SLC25A32: variants seen among roughly 807,000 people sequenced by gnomAD.
SLC25A32 encodes Glycine auxotroph B, complementation of hamster.
Under a neutral mutation model 39.0 loss-of-function variants are expected in SLC25A32, and 32 were observed. The observed-to-expected ratio is 0.82, with a 90% confidence interval of 0.62 to 1.10. SLC25A32 has a LOEUF of 1.10. Ranked by LOEUF, SLC25A32 falls within the 50% of genes least tolerant of loss-of-function variation. The pLI, the probability that SLC25A32 is intolerant of heterozygous loss-of-function variation, is 0.00. For synonymous variants in SLC25A32, 166 were observed against 152.4 expected (o/e 1.09, Z -0.66); for missense variants, 367 against 395.3 (o/e 0.93, Z 0.61).
chr8:103,410,789 A>T (rs577405722), intron 1 of SLC25A32, among the ~76,000 whole-genome samples: 1 of 152,208 alleles, frequency 6.6e-6, no homozygotes, highest in Admixed American at 6.5e-5. Context: ...TGGTGTACAG[A>T]AAGGAGCCAA....
intron 1 of SLC25A32, among the ~76,000 whole-genome samples, chr8:103,409,146 T>C (rs1816403385): frequency 1.3e-5 from 2 of 152,206 alleles, no homozygotes; most frequent in Admixed American, 1.3e-4. Context: ...TATTTACTGC[T>C]TTGAAAAATC....
chr8:103,414,628 C>T (rs1586120489), intron 1 of SLC25A32, 156 bp downstream of exon 1: 1 of 1,074,742 alleles, frequency 9.3e-7, no homozygotes, highest in Admixed American at 2.6e-5. Flanking sequence ...GACCCCTCCA[C>T]CAAGCACCAT....
intron 2 of SLC25A32, among the ~76,000 whole-genome samples, chr8:103,405,599 T>C (rs1482151665): frequency 2.0e-5 from 3 of 152,174 alleles, no homozygotes; most frequent in Non-Finnish European, 2.9e-5. Flanking sequence ...AATCAGCCTA[T>C]TTCCTTTAAT....
intron 1 of SLC25A32, among the ~76,000 whole-genome samples, chr8:103,412,355 A>G (rs1424807773): frequency 6.6e-6 from 1 of 152,224 alleles, no homozygotes; most frequent in Non-Finnish European, 1.5e-5. Context: ...ATTTGAGAAA[A>G]TTACTATTTT....
intron 1 of SLC25A32, among the ~76,000 whole-genome samples, chr8:103,414,378 C>A (rs972749985): frequency 2.0e-5 from 3 of 152,178 alleles, no homozygotes; most frequent in Non-Finnish European, 2.9e-5. Context: ...GAAGATTACG[C>A]CCTATCCCAA....
intron 3 of SLC25A32, among the ~76,000 whole-genome samples, chr8:103,403,927 G>A (rs1179749434): frequency 1.3e-5 from 2 of 152,136 alleles, no homozygotes; most frequent in Admixed American, 6.5e-5. Flanking sequence ...TCATTTGCCA[G>A]GTTTCCTAAG....
intron 1 of SLC25A32, among the ~76,000 whole-genome samples, chr8:103,411,321 A>C (rs556307879): frequency 2.0e-5 from 3 of 152,062 alleles, no homozygotes; most frequent in Non-Finnish European, 4.4e-5. Flanking sequence ...ATTAGTATTT[A>C]AATAGACTTA....
chr8:103,398,923 T>C lies in SLC25A32; in HGVS notation c.*1488A>G, dbSNP rs1370575238. ...TTTAAAAACAATGCCTTTTCCAAAA[T>C]ATAAAAAAAAGACCTATTTTTAAAG... On this transcript the variant is annotated 3_prime_UTR_variant, in exon 7 of 7. Coordinates refer to ENST00000297578, the MANE Select transcript of SLC25A32 (RefSeq NM_030780.5). 1.3e-5 allele frequency: 2 copies of C among 152,058 alleles called. No homozygotes were observed. The highest frequency in any genetic ancestry group is 4.8e-5 in the African/African-American group (2 of 41,410). 9.4% of individuals were successfully genotyped at this position (152,058 alleles called of 1,614,324 possible).
intron 2 of SLC25A32, among the ~76,000 whole-genome samples, chr8:103,405,965 G>A (rs117357669): frequency 0.052 from 7,886 of 151,860 alleles, 270 homozygotes; most frequent in Non-Finnish European, 0.078. Context: ...CACTGCACCT[G>A]GCCCAAGAAA....
In SLC25A32 at chr8:103,414,781, T is replaced by TA. The variant is rs774282121; in HGVS notation, c.154+2dup. On this transcript the variant is annotated splice_region_variant and intron_variant, in intron 1 of 6. Coordinates refer to ENST00000297578, the MANE Select transcript of SLC25A32 (RefSeq NM_030780.5). Reference sequence around the variant, plus strand: ...GCAGCCCGGTGTCTGGGCGGGCTCTTACCGGCGAAGCGGATCTTCACGAGG... The same window carrying TA: ...GCAGCCCGGTGTCTGGGCGGGCTCTTAACCGGCGAAGCGGATCTTCACGAGG... 1.2e-6 allele frequency: 2 copies of TA among 1,613,550 alleles called. No individual in the cohort carries two copies. Among genetic ancestry groups the TA allele is most frequent in the African/African-American group, 2.7e-5 (2 of 74,940 alleles).
At chr8:103,414,688 C>A in intron 1 of SLC25A32, 96 bp downstream of exon 1, 2 of 1,469,786 alleles carry the variant, frequency 1.4e-6, no homozygotes, top group East Asian at 2.3e-5. Context: ...ACGCTCCCTT[C>A]AACGCTCCTC....
At chr8:103,413,388 G>A (rs1037210642) in intron 1 of SLC25A32, among the ~76,000 whole-genome samples, 4 of 152,164 alleles carry the variant, frequency 2.6e-5, no homozygotes, top group Non-Finnish European at 4.4e-5. Context: ...ATACGGTGAG[G>A]GGTTAAGTGC....
intron 5 of SLC25A32, 70 bp from the exon 6 acceptor site, chr8:103,401,731 T>C (rs1203415607): frequency 3.7e-6 from 5 of 1,350,888 alleles, no homozygotes; most frequent in East Asian, 2.4e-5. Flanking sequence ...GTAAAAATTA[T>C]ATACAAAAAA....
At chr8:103,401,101 C>T (rs866598839) in intron 6 of SLC25A32, among the ~76,000 whole-genome samples, 1 of 152,308 alleles carries the variant, frequency 6.6e-6, no homozygotes, top group Middle Eastern at 3.4e-3. Flanking sequence ...TAGTCTCATA[C>T]TGAAGAACAA....
At chr8:103,411,235 C>G (rs554606193) in intron 1 of SLC25A32, among the ~76,000 whole-genome samples, 2 of 152,252 alleles carry the variant, frequency 1.3e-5, no homozygotes, top group South Asian at 4.1e-4. Context: ...TCAGATAACC[C>G]ACCTTAGTTA....
At chr8:103,407,971 A>ATG (rs1450158300) in intron 1 of SLC25A32, among the ~76,000 whole-genome samples, 187 bp from the exon 2 acceptor site, 3 of 145,968 alleles carry the variant, frequency 2.1e-5, no homozygotes, top group Non-Finnish European at 4.5e-5. Context: ...ATATATATAT[A>ATG]TAAATATGTA....
At chr8:103,403,397 A>C in intron 3 of SLC25A32, 73 bp from the exon 4 acceptor site, 1 of 706,264 alleles carries the variant, frequency 1.4e-6, no homozygotes, top group Non-Finnish European at 2.2e-6. Context: ...AATTAGAAAC[A>C]GTACATTTAT....
chr8:103,405,140 G>A (rs1026888100), intron 2 of SLC25A32, among the ~76,000 whole-genome samples: 1 of 152,144 alleles, frequency 6.6e-6, no homozygotes, highest in Non-Finnish European at 1.5e-5. Context: ...GGGAGGAGGG[G>A]AGAGTACAGT....
chr8:103,405,400 G>A (rs556854782), intron 2 of SLC25A32, among the ~76,000 whole-genome samples: 1 of 152,202 alleles, frequency 6.6e-6, no homozygotes, highest in East Asian at 1.9e-4. Context: ...AGAAGGCTTT[G>A]TGTAGGAGGT....
Sources: gnomAD v4.1 joint callset for allele counts (sites outside exome capture counted in the v4.1 genomes callset) on GRCh38, gnomAD v4.1.1 for gene constraint, MANE v1.5 for transcripts, NCBI Gene and HGNC (gene_info 2026-07-23, HGNC 2026-07-21) for gene names.